The following PYGO1 variants were observed in gnomAD, a reference collection of about 807,000 sequenced individuals.
PYGO1 encodes pygopus family PHD finger 1, also known as pygopus homolog 1.
PYGO1 carries 6 observed loss-of-function variants against 29.5 expected under a neutral mutation model. That is an observed-to-expected ratio of 0.20 (90% CI 0.11 to 0.40). PYGO1 has a LOEUF of 0.40. Ranked by LOEUF, PYGO1 falls within the 10% of genes least tolerant of loss-of-function variation. The pLI is 1.00. For missense variants in PYGO1, 515 were observed against 514.9 expected (o/e 1.00, Z 0.00); for synonymous variants, 186 against 180.5 (o/e 1.03, Z -0.24).
Position 55,542,484 on chromosome 15 carries a change from A to C in PYGO1, c.*3539T>G, listed in dbSNP as rs1234356995. 6.6e-6 allele frequency: 1 copy of C among 152,240 alleles called. No individual in the cohort carries two copies. The highest frequency in any genetic ancestry group is 1.5e-5 in the Non-Finnish European group (1 of 68,038). The allele number at this position is 152,240 out of a possible 1,614,324, so 9.4% of individuals were successfully genotyped here. ...AAAGGAAAACACTGATCACAAATCT[A>C]ATTCTAAGCACTCTGTCTGAAGAAC... On this transcript the variant is annotated 3_prime_UTR_variant, in exon 3 of 3. Coordinates refer to ENST00000563719, the MANE Select transcript of PYGO1 (RefSeq NM_001367806.1).
intron 2 of PYGO1, among the ~76,000 whole-genome samples, chr15:55,548,444 A>G (rs1325150551): frequency 6.6e-6 from 1 of 151,890 alleles, no homozygotes; most frequent in Non-Finnish European, 1.5e-5. Flanking sequence ...GTGGTGGCTC[A>G]CACCTGTAAT....
intron 1 of PYGO1, among the ~76,000 whole-genome samples, chr15:55,577,312 G>A (rs1052505076): frequency 2.0e-5 from 3 of 152,038 alleles, no homozygotes; most frequent in East Asian, 1.9e-4. Flanking sequence ...TCACCCCGCC[G>A]CTAGCCAATG....
intron 1 of PYGO1, among the ~76,000 whole-genome samples, chr15:55,584,232 C>G (rs533981810): frequency 1.2e-3 from 189 of 151,910 alleles, no homozygotes; most frequent in African/African-American, 4.1e-3. Context: ...ATTCTCCCAC[C>G]TCAGCCTCCC....
upstream of PYGO1, chr15:55,588,885 CGTGGCCGT>C (rs988055453): frequency 3.1e-6 from 5 of 1,604,228 alleles, no homozygotes; most frequent in Non-Finnish European, 4.3e-6. Context: ...TCCGTGTCCG[CGTGGCCGT>C]GGTGTGGACA....
intron 1 of PYGO1, among the ~76,000 whole-genome samples, chr15:55,566,033 G>A (rs1333977681): frequency 1.3e-5 from 2 of 152,094 alleles, no homozygotes; most frequent in East Asian, 3.9e-4. Flanking sequence ...AGCCTGCCTC[G>A]GCCTCCCAAA....
intron 1 of PYGO1, among the ~76,000 whole-genome samples, chr15:55,585,170 ATG>A (rs980828725): frequency 9.9e-5 from 15 of 152,206 alleles, no homozygotes; most frequent in African/African-American, 3.4e-4. Context: ...TAATTGCTAT[ATG>A]TGTGTTAATA....
At chr15:55,551,200 T>C (rs1216915008) in intron 1 of PYGO1, among the ~76,000 whole-genome samples, 4 of 152,214 alleles carry the variant, frequency 2.6e-5, no homozygotes, top group Non-Finnish European at 4.4e-5. Flanking sequence ...GTCAAGACTA[T>C]AGGCTTGATC....
intron 1 of PYGO1, among the ~76,000 whole-genome samples, chr15:55,556,508 G>T (rs1206256455): frequency 3.9e-5 from 6 of 152,050 alleles, no homozygotes; most frequent in Non-Finnish European, 8.8e-5. Flanking sequence ...GTGTTAAGAG[G>T]GACATTTATA....
intron 1 of PYGO1, among the ~76,000 whole-genome samples, chr15:55,552,287 C>A (rs962757573): frequency 1.4e-5 from 2 of 144,322 alleles, no homozygotes; most frequent in African/African-American, 5.2e-5. Context: ...GTCTGGGACG[C>A]AGAGGTTCCA....
In PYGO1 at chr15:55,546,177, C is replaced by T. The variant is rs779343554; in HGVS notation, c.1106G>A (p.Arg369Gln). The change falls in exon 3 of 3, where the codon CGG (arginine) becomes CAG (glutamine). Residue 369 changes from arginine (R) to glutamine (Q), a missense_variant. Transcript: ENST00000563719. The stretch of plus-strand genomic sequence containing the variant: ...TGTTTCAGTCATTCCAGTACAGATC[C>T]GATGAAACCATTTCTGACAAGAGGC... ...CEASCQKWFH[R>Q]ICTGMTETAY... The T allele has an allele frequency of 3.1e-6, 5 of 1,613,990 alleles. No homozygotes were observed. Among genetic ancestry groups the T allele is most frequent in the African/African-American group, 1.3e-5 (1 of 74,886 alleles).
intron 1 of PYGO1, among the ~76,000 whole-genome samples, chr15:55,582,576 T>A (rs1031264201): frequency 6.6e-6 from 1 of 152,136 alleles, no homozygotes; most frequent in East Asian, 1.9e-4. Context: ...CTTCTCACTC[T>A]CTCTTGCATG....
Position 55,564,993 on chromosome 15 carries a change from G to C in PYGO1, c.50-15998C>G, listed in dbSNP as rs368919239. ...CTCCTAGAGACCACCCACATTCCTTGATTCATGACTCTTTCTGCTTTCAAT... is the reference window on the plus strand; with the variant it reads ...CTCCTAGAGACCACCCACATTCCTTCATTCATGACTCTTTCTGCTTTCAAT... On this transcript the variant is annotated intron_variant, in intron 1 of 2. Transcript: ENST00000563719. 9.2e-5 allele frequency among the ~76,000 whole-genome samples: 14 copies of C among 152,248 alleles called. No homozygotes were observed. In the East Asian group the frequency reaches 9.7e-4, roughly 11 times the overall value.
Position 55,588,146 on chromosome 15 carries a change from G to T in PYGO1, c.-263C>A. ...TGGCCGGGAGCGCGGCCTGGGGGCG[G>T]CCCCCCACCCGGGGCCGGCATGTGC... is the stretch of plus-strand genomic sequence containing the variant. On this transcript the variant is annotated 5_prime_UTR_variant, in exon 1 of 3. Coordinates refer to ENST00000563719, the MANE Select transcript of PYGO1 (RefSeq NM_001367806.1). The T allele has an allele frequency of 2.9e-6, 2 of 686,062 alleles. No individual in the cohort carries two copies. The highest frequency in any genetic ancestry group is 3.6e-6 in the Non-Finnish European group (2 of 558,708). 42.5% of individuals were successfully genotyped at this position (686,062 alleles called of 1,614,324 possible). A position where few individuals can be genotyped will look rare whatever the true frequency, so the allele number is the denominator to read the frequency against.
chr15:55,545,807 T>G lies in PYGO1; in HGVS notation c.*216A>C. 2.5e-6 allele frequency: 1 copy of G among 408,088 alleles called. No homozygotes were observed. The highest frequency in any genetic ancestry group is 4.3e-6 in the Non-Finnish European group (1 of 234,564). The allele number at this position is 408,088 out of a possible 1,614,324, so 25.3% of individuals were successfully genotyped here. A position where few individuals can be genotyped will look rare whatever the true frequency, so the allele number is the denominator to read the frequency against. Reference sequence around the variant, plus strand: ...TAAATAACAACAACTAACATTTATTTATGTTTCTAAAGCACCCCCATATAC... The same window carrying G: ...TAAATAACAACAACTAACATTTATTGATGTTTCTAAAGCACCCCCATATAC... On this transcript the variant is annotated 3_prime_UTR_variant, in exon 3 of 3. Transcript: ENST00000563719.
chr15:55,573,277 G>A (rs2058987634), intron 1 of PYGO1, among the ~76,000 whole-genome samples: 1 of 151,804 alleles, frequency 6.6e-6, no homozygotes, highest in African/African-American at 2.4e-5. Flanking sequence ...CTGCACTCTA[G>A]CCTGGGCAAC....
At chr15:55,561,548 G>A (rs562436317) in intron 1 of PYGO1, among the ~76,000 whole-genome samples, 6 of 152,114 alleles carry the variant, frequency 3.9e-5, no homozygotes, top group Admixed American at 2.0e-4. Flanking sequence ...GAACTCACTC[G>A]TATCACAAGA....
At chr15:55,556,224 C>A (rs1188127443) in intron 1 of PYGO1, among the ~76,000 whole-genome samples, 1 of 152,280 alleles carries the variant, frequency 6.6e-6, no homozygotes, top group African/African-American at 2.4e-5. Flanking sequence ...CGACACATGG[C>A]ACTTACTCTA....
At chr15:55,563,862 A>G (rs12442678) in intron 1 of PYGO1, among the ~76,000 whole-genome samples, 58,012 of 152,112 alleles carry the variant, frequency 0.38, 14,138 homozygotes, top group Non-Finnish European at 0.55. Flanking sequence ...TAAAACCGCA[A>G]TGAGATAACA....
Position 55,547,104 on chromosome 15 carries a change from T to C in PYGO1, c.179A>G (p.Asn60Ser). ...AGCCACTAGATGGTCAGAGTTTGGA[T>C]TCGGTGGTGGAGCATACTCAGACAA... Reference protein sequence around the residue: ...PPLSEYAPPPNPNSDHLVAAN... With the variant: ...PPLSEYAPPPSPNSDHLVAAN... The change falls in exon 3 of 3, where the codon AAT (asparagine) becomes AGT (serine). Residue 60 changes from asparagine to serine, a missense_variant. Coordinates refer to ENST00000563719, the MANE Select transcript of PYGO1 (RefSeq NM_001367806.1). 1 of 1,611,064 alleles carries C rather than the reference T, an allele frequency of 6.2e-7. No homozygotes were observed. Among genetic ancestry groups the C allele is most frequent in the Non-Finnish European group, 8.5e-7 (1 of 1,179,096 alleles).
Sources: gnomAD v4.1 joint callset for allele counts (sites outside exome capture counted in the v4.1 genomes callset) on GRCh38, gnomAD v4.1.1 for gene constraint, MANE v1.5 for transcripts, NCBI Gene and HGNC (gene_info 2026-07-23, HGNC 2026-07-21) for gene names.